Variants in EHMT1 observed in about 807,000 individuals in gnomAD.
EHMT1 encodes the protein euchromatic histone lysine methyltransferase 1.
A neutral mutation model predicts 147.2 loss-of-function variants in EHMT1; 15 were observed. That is an observed-to-expected ratio of 0.10 (90% confidence interval 0.07 to 0.16). The LOEUF is 0.16. Among genes scored for constraint, EHMT1 ranks in the 10% least tolerant of loss-of-function variants. The probability of loss-of-function intolerance (pLI) is 1.00; values close to 1 mark genes in which losing one functional copy is unlikely to be tolerated. For missense variants in EHMT1, 1,587 were observed against 1,772.4 expected (o/e 0.90, Z 1.88); for synonymous variants, 795 against 709.6 (o/e 1.12, Z -1.91).
At chr9:137,797,396 A>G (rs1373778267) in intron 16 of EHMT1, among the ~76,000 whole-genome samples, 2 of 152,068 alleles carry the variant, frequency 1.3e-5, no homozygotes, top group Admixed American at 1.3e-4. Context: ...CTCTTGTGAC[A>G]GCTGGCTTCC....
rs866354074 is a variant in EHMT1 at position 137,728,202 on chromosome 9, C to G, written c.643-147C>G. On this transcript the variant is annotated intron_variant, in intron 3 of 26. Coordinates refer to ENST00000460843, the MANE Select transcript of EHMT1 (RefSeq NM_024757.5). ...CACGTGAGGACAGCTGTGCTGTTTC[C>G]GCTTGCAGACTTTCTCCTCTCTCCA... is the stretch of plus-strand genomic sequence containing the variant. The G allele has an allele frequency of 1.0e-5, 12 of 1,178,546 alleles. No homozygotes were observed. In the Middle Eastern group the frequency reaches 2.5e-3, roughly 243 times the overall value. 73.0% of individuals were successfully genotyped at this position (1,178,546 alleles called of 1,614,324 possible).
intron 4 of EHMT1, among the ~76,000 whole-genome samples, chr9:137,740,530 A>G (rs1947964075): frequency 6.6e-6 from 1 of 152,128 alleles, no homozygotes; most frequent in Non-Finnish European, 1.5e-5. Flanking sequence ...TCAGGGCCAG[A>G]CCCCTTCCCT....
intron 1 of EHMT1, among the ~76,000 whole-genome samples, chr9:137,642,504 T>C (rs913072521): frequency 2.0e-5 from 3 of 152,196 alleles, no homozygotes; most frequent in African/African-American, 7.2e-5. Flanking sequence ...TATTTTCTAG[T>C]GTATACCATT....
At chr9:137,676,613 T>C in intron 1 of EHMT1, 1 of 152,406 alleles carries the variant, frequency 6.6e-6, no homozygotes, top group Non-Finnish European at 1.5e-5. Flanking sequence ...CCCCGGAGAA[T>C]CTCCGCCCTG....
At chr9:137,688,601 C>T (rs1942663269) in intron 1 of EHMT1, among the ~76,000 whole-genome samples, 1 of 152,170 alleles carries the variant, frequency 6.6e-6, no homozygotes. Context: ...AGCATTTGTA[C>T]TGTCTAAATG....
chr9:137,779,768 AAAG>A, intron 14 of EHMT1, 51 bp downstream of exon 14: 1 of 1,598,362 alleles, frequency 6.3e-7, no homozygotes, highest in Non-Finnish European at 8.5e-7. Flanking sequence ...TGTGGCACTG[AAAG>A]AAGCCGAGAG....
chr9:137,712,633 T>C (rs1351756267), intron 2 of EHMT1, among the ~76,000 whole-genome samples: 2 of 152,244 alleles, frequency 1.3e-5, no homozygotes, highest in Non-Finnish European at 2.9e-5. Context: ...GATTGATTTT[T>C]ATTGTTGAGT....
At chr9:137,803,849 A>C (rs1051370131) in intron 18 of EHMT1, among the ~76,000 whole-genome samples, 10 of 152,084 alleles carry the variant, frequency 6.6e-5, no homozygotes, top group Admixed American at 2.0e-4. Context: ...AAAAAAAAAA[A>C]AAAAACCTGC....
intron 1 of EHMT1, among the ~76,000 whole-genome samples, chr9:137,669,854 A>G (rs1005004933): frequency 1.3e-5 from 2 of 151,806 alleles, no homozygotes. Context: ...TGCCTGGGCC[A>G]AAAAGATTTT....
intron 3 of EHMT1, among the ~76,000 whole-genome samples, chr9:137,726,835 G>A (rs1018750177): frequency 6.6e-6 from 1 of 152,180 alleles, no homozygotes; most frequent in Non-Finnish European, 1.5e-5. Context: ...CCCCAATGAT[G>A]TTAAGCATTC....
intron 24 of EHMT1, 47 bp downstream of exon 24, chr9:137,817,572 C>T (rs745572659): frequency 2.7e-5 from 43 of 1,610,332 alleles, no homozygotes; most frequent in Middle Eastern, 3.3e-4. Flanking sequence ...ATTTCTGGGA[C>T]GGAGGCCCAT....
intron 1 of EHMT1, among the ~76,000 whole-genome samples, chr9:137,674,549 G>A (rs966344724): frequency 1.3e-5 from 2 of 152,186 alleles, no homozygotes; most frequent in African/African-American, 2.4e-5. Context: ...TAGCTGTGGC[G>A]CCGCCTGTGC....
intron 4 of EHMT1, among the ~76,000 whole-genome samples, chr9:137,737,007 G>A (rs141428771): frequency 1.1e-4 from 16 of 152,176 alleles, no homozygotes; most frequent in African/African-American, 2.4e-4. Flanking sequence ...GTTCCAGAGC[G>A]GCCTGGGCAA....
At chr9:137,639,478 T>C (rs1205410320) in intron 1 of EHMT1, among the ~76,000 whole-genome samples, 3 of 152,218 alleles carry the variant, frequency 2.0e-5, no homozygotes, top group Non-Finnish European at 4.4e-5. Flanking sequence ...TTTTGCCTCG[T>C]GTTTTGAGAC....
chr9:137,834,943 A>AC lies in EHMT1; in HGVS notation c.3892dup (p.Leu1298ProfsTer21). 6.7e-7 allele frequency: 1 copy of AC among 1,493,948 alleles called. No individual in the cohort carries two copies. Among genetic ancestry groups the AC allele is most frequent in the Non-Finnish European group, 8.9e-7 (1 of 1,128,334 alleles). The allele number at this position is 1,493,948 out of a possible 1,614,324, so 92.5% of individuals were successfully genotyped here. A position where few individuals can be genotyped will look rare whatever the true frequency, so the allele number is the denominator to read the frequency against. On this transcript the variant is annotated frameshift_variant, in exon 27 of 27. Coordinates refer to ENST00000460843, the MANE Select transcript of EHMT1 (RefSeq NM_024757.5). LOFTEE classifies it high-confidence loss of function. ...GACACCAGCTCCGCGGCTGCCGCCG[A>AC]CCCCCTATGAGACGCCGCCGGCCAG...
At chr9:137,631,891 A>T (rs1158343957) in intron 1 of EHMT1, among the ~76,000 whole-genome samples, 1 of 152,146 alleles carries the variant, frequency 6.6e-6, no homozygotes, top group Admixed American at 6.6e-5. Flanking sequence ...AAAAGAAAAA[A>T]AAGATTATAA....
At chr9:137,688,579 A>G (rs183797672) in intron 1 of EHMT1, among the ~76,000 whole-genome samples, 4 of 152,354 alleles carry the variant, frequency 2.6e-5, no homozygotes, top group African/African-American at 9.6e-5. Context: ...GTGAAGAGAA[A>G]TATCAATGTA....
chr9:137,683,793 TA>T (rs1942184791), intron 1 of EHMT1, among the ~76,000 whole-genome samples: 2 of 152,122 alleles, frequency 1.3e-5, no homozygotes, highest in Non-Finnish European at 2.9e-5. Context: ...TTATTTAAAT[TA>T]AAAAAATTAT....
rs527291456 is a variant in EHMT1 at position 137,654,839 on chromosome 9, G to T, written c.21+35790G>T. On this transcript the variant is annotated intron_variant, in intron 1 of 26. Coordinates refer to ENST00000460843, the MANE Select transcript of EHMT1 (RefSeq NM_024757.5). ...GTGCACATGGTTCTGAGCCCACAGG[G>T]TGGTCAGAGTTTGGGCCAGGTGGTG... 1.4e-4 allele frequency among the ~76,000 whole-genome samples: 21 copies of T among 152,286 alleles called. No homozygotes were observed. In the East Asian group the frequency reaches 3.7e-3, roughly 27 times the overall value.
Sources: gnomAD v4.1 joint callset for allele counts (sites outside exome capture counted in the v4.1 genomes callset) on GRCh38, gnomAD v4.1.1 for gene constraint, MANE v1.5 for transcripts, NCBI Gene and HGNC (gene_info 2026-07-23, HGNC 2026-07-21) for gene names.